The following BRD8 variants were observed in gnomAD, a reference collection of about 807,000 sequenced individuals.
The protein encoded by BRD8 is bromodomain containing 8.
BRD8 carries 67 observed loss-of-function variants against 143.1 expected under a neutral mutation model. That is an observed-to-expected ratio of 0.47 (90% CI 0.38 to 0.57). The LOEUF is 0.57. Among genes scored for constraint, BRD8 ranks in the 20% least tolerant of loss-of-function variants. The pLI is 0.00. For synonymous variants in BRD8, 505 were observed against 517.1 expected, an observed-to-expected ratio of 0.98 and a Z score of 0.32; for missense variants, 1,103 against 1,503.0, an observed-to-expected ratio of 0.73 and a Z score of 4.40.
In BRD8 at chr5:138,171,032, A is replaced by G; in HGVS notation, c.359+6T>C. On this transcript the variant is annotated splice_donor_region_variant and intron_variant, in intron 5 of 26. Transcript: ENST00000254900. The stretch of plus-strand genomic sequence containing the variant: ...TCAATTTTTTGGCATTCTCTCTGAT[A>G]AGTACCTATATCTCTCCTGGGTTTC... 1 of 1,613,340 alleles carries G rather than the reference A, an allele frequency of 6.2e-7. No homozygotes were observed. The highest frequency in any genetic ancestry group is 8.5e-7 in the Non-Finnish European group (1 of 1,179,794).
chr5:138,178,589 T>C lies in BRD8; in HGVS notation c.19+7A>G, dbSNP rs753563541. On this transcript the variant is annotated splice_region_variant and intron_variant, in intron 1 of 26. Coordinates refer to ENST00000254900, the MANE Select transcript of BRD8 (RefSeq NM_139199.2). Reference sequence around the variant, plus strand: ...GCCTTTCACGCAAAACCTGCTCAGATACTCACTGCCCGTTCCCGTCGCCAT... The same window carrying C: ...GCCTTTCACGCAAAACCTGCTCAGACACTCACTGCCCGTTCCCGTCGCCAT... The C allele has an allele frequency of 2.5e-6, 4 of 1,613,406 alleles. No individual in the cohort carries two copies. The highest frequency in any genetic ancestry group is 3.3e-5 in the Admixed American group (2 of 59,972).
At chr5:138,165,586 C>T (rs1273977598) in intron 11 of BRD8, among the ~76,000 whole-genome samples, 2 of 151,962 alleles carry the variant, frequency 1.3e-5, no homozygotes, top group Non-Finnish European at 1.5e-5. Context: ...ATTAGTGAGG[C>T]GTGGTGGCAT....
rs369547307 is a variant in BRD8, at chr5:138,164,296, T to C, written c.1825+24A>G. On this transcript the variant is annotated intron_variant, in intron 13 of 26. Coordinates refer to ENST00000254900, the MANE Select transcript of BRD8 (RefSeq NM_139199.2). ...AGAAGCCAAAGCAAATGATTTCAAG[T>C]CAGTGAAAGAGGACTTTATTTACCT... 1.4e-4 allele frequency: 230 copies of C among 1,610,040 alleles called. No individual in the cohort carries two copies. In the African/African-American group the frequency reaches 2.7e-3, roughly 19 times the overall value.
chr5:138,168,194 A>T (rs1419951178), intron 8 of BRD8, 116 bp from the exon 9 acceptor site: 1 of 767,086 alleles, frequency 1.3e-6, no homozygotes, highest in Non-Finnish European at 2.2e-6. Flanking sequence ...ATATCCACAG[A>T]GAATAATTTA....
chr5:138,155,282 A>C (rs1427676026), intron 20 of BRD8, among the ~76,000 whole-genome samples: 1 of 151,570 alleles, frequency 6.6e-6, no homozygotes, highest in Non-Finnish European at 1.5e-5. Flanking sequence ...CCCCACCTCT[A>C]CTAAAGAAAC....
At chr5:138,166,901 C>T (rs1337964557) in intron 9 of BRD8, 174 bp from the exon 10 acceptor site, 2 of 560,690 alleles carry the variant, frequency 3.6e-6, no homozygotes, top group African/African-American at 3.8e-5. Flanking sequence ...TTAAGATCTT[C>T]CTCCAAGTTA....
At chr5:138,168,437 A>ACAGCTCT (rs1316835644) in intron 8 of BRD8, 1 of 1,468,446 alleles carries the variant, frequency 6.8e-7, no homozygotes, top group South Asian at 1.2e-5. Context: ...CTAAATCACC[A>ACAGCTCT]CAGCTCTCAA....
intron 22 of BRD8, among the ~76,000 whole-genome samples, chr5:138,150,415 T>C (rs1021183057): frequency 1.2e-4 from 18 of 152,186 alleles, no homozygotes; most frequent in African/African-American, 3.6e-4. Context: ...ACCTGCCAGA[T>C]AATATTAATA....
At position 138,177,680 on chromosome 5, in the gene BRD8, G is replaced by A. The variant is rs368834620; in HGVS notation, c.20-13C>T. ...AGCAGCTTGTGTTCTGGGAAAGGGA[G>A]AAAAAAAAAAAAGCCTTGGAAACAA... On this transcript the variant is annotated splice_polypyrimidine_tract_variant and intron_variant, in intron 1 of 26. Coordinates refer to ENST00000254900, the MANE Select transcript of BRD8 (RefSeq NM_139199.2). 3.4e-3 allele frequency: 4,077 copies of A among 1,201,038 alleles called. 3 individuals carry two copies. The highest frequency in any genetic ancestry group is 7.4e-3 in the Admixed American group (332 of 44,718). 74.4% of individuals were successfully genotyped at this position (1,201,038 alleles called of 1,614,324 possible).
At chr5:138,168,376 A>C in intron 8 of BRD8, 2 of 891,254 alleles carry the variant, frequency 2.2e-6, no homozygotes, top group Non-Finnish European at 3.6e-6. Flanking sequence ...CCTCTTTTGA[A>C]CTTTTATTCC....
At position 138,169,233 on chromosome 5, in the gene BRD8, C is replaced by T. The variant is rs757299987; in HGVS notation, c.631G>A (p.Ala211Thr). The T allele has an allele frequency of 9.9e-6, 16 of 1,613,810 alleles. No individual in the cohort carries two copies. The highest frequency in any genetic ancestry group is 1.2e-5 in the Non-Finnish European group (14 of 1,179,968). Reference sequence around the variant, plus strand: ...GGAAATATACTCACCCCAGAGGTAGCCTCTTCCATAGTGGTTGGAGTCAAG... The same window carrying T: ...GGAAATATACTCACCCCAGAGGTAGTCTCTTCCATAGTGGTTGGAGTCAAG... Reference protein sequence around the residue: ...GDLTPTTMEEATSGVNESEMA... With the variant: ...GDLTPTTMEETTSGVNESEMA... The change falls in exon 8 of 27, where the codon GCT becomes ACT. Residue 211 changes from alanine (A) to threonine (T), a missense_variant. Physicochemically the swap from Ala to Thr is moderately conservative, Grantham distance 58 (BLOSUM62 0). This residue lies in a region of BRD8 where 334 missense variants were observed against 372.5 expected (regional missense o/e 0.90). Transcript: ENST00000254900.
chr5:138,145,857 G>C lies in BRD8; in HGVS notation c.3300C>G (p.Asp1100Glu). Reference sequence around the variant, plus strand: ...TAAATAGCAAATGATCCTGAACAGGGTCATCCTGGCTTAGATCAGTCCTAT... The same window carrying C: ...TAAATAGCAAATGATCCTGAACAGGCTCATCCTGGCTTAGATCAGTCCTAT... ...SSKLTDLSQDDPVQDHLLFKK... is the reference protein window; with the variant it reads ...SSKLTDLSQDEPVQDHLLFKK... Residue 1100 changes from aspartate (D) to glutamate (E), a missense_variant, in exon 24 of 27, where the codon GAC becomes GAG. This residue lies in a region of BRD8 where 369 missense variants were observed against 445.5 expected (regional missense o/e 0.83). Coordinates refer to ENST00000254900, the MANE Select transcript of BRD8 (RefSeq NM_139199.2). The C allele has an allele frequency of 1.9e-6, 3 of 1,613,810 alleles. No individual in the cohort carries two copies. Among genetic ancestry groups the C allele is most frequent in the Non-Finnish European group, 2.5e-6 (3 of 1,179,832 alleles).
rs116327784 is a variant in BRD8, at chr5:138,140,257, T to C, written c.3616-91A>G. 1,576 of 931,738 alleles carry C rather than the reference T, an allele frequency of 1.7e-3. 14 individuals are homozygous for C. In the African/African-American group the frequency reaches 0.019, roughly 11 times the overall value. The allele number at this position is 931,738 out of a possible 1,614,324, so 57.7% of individuals were successfully genotyped here. On this transcript the variant is annotated intron_variant, in intron 26 of 26. Coordinates refer to ENST00000254900, the MANE Select transcript of BRD8 (RefSeq NM_139199.2). ...TTTTTTTGGCAAATAGACTCAACTA[T>C]ACTTTTTTCTTTAAAGTATGATGCT...
chr5:138,163,004 G>C (rs1449812240), intron 15 of BRD8, 126 bp downstream of exon 15: 8 of 829,624 alleles, frequency 9.6e-6, no homozygotes, highest in African/African-American at 1.8e-5. Flanking sequence ...AAAAAGAGAA[G>C]GAAAGGAAAG....
intron 20 of BRD8, among the ~76,000 whole-genome samples, chr5:138,156,094 C>T (rs972298354): frequency 6.7e-6 from 1 of 150,192 alleles, no homozygotes; most frequent in East Asian, 2.0e-4. Flanking sequence ...TGGTCTCAAA[C>T]TCCTAGGCTC....
rs191182810 is a variant in BRD8 at position 138,155,945 on chromosome 5, G to T, written c.2578-3185C>A. Among the ~76,000 whole-genome samples, 7 of 150,576 alleles carry T rather than the reference G, an allele frequency of 4.6e-5. 1 individual carries two copies. The highest frequency in any genetic ancestry group is 4.0e-4 in the Admixed American group (6 of 15,112). On this transcript the variant is annotated intron_variant, in intron 20 of 26. Transcript: ENST00000254900. ...CTGGAGTGCAGTGATGCAATTATAG[G>T]TCATTGCCAACTTTGAATTCCGTGG...
intron 2 of BRD8, among the ~76,000 whole-genome samples, chr5:138,176,582 A>G (rs963377003): frequency 3.3e-5 from 5 of 152,112 alleles, no homozygotes; most frequent in African/African-American, 9.7e-5. Context: ...AAATTAATTA[A>G]TTAATTAATA....
rs912351724 is a variant in BRD8 at position 138,163,950 on chromosome 5, G to A, written c.1872+137C>T. 24 of 1,028,564 alleles carry A rather than the reference G, an allele frequency of 2.3e-5. No individual in the cohort carries two copies. The Middle Eastern group carries it at 8.2e-4, about 35-fold the overall frequency. The allele number at this position is 1,028,564 out of a possible 1,614,324, so 63.7% of individuals were successfully genotyped here. The stretch of plus-strand genomic sequence containing the variant: ...AGTACTCCCATTATGCCTGTCTACT[G>A]CAGCTTTTCCCCATGCAACTCCATA... On this transcript the variant is annotated intron_variant, in intron 14 of 26. Coordinates refer to ENST00000254900, the MANE Select transcript of BRD8 (RefSeq NM_139199.2).
chr5:138,154,514 GTTA>G (rs1442555847), intron 20 of BRD8, among the ~76,000 whole-genome samples: 1 of 152,152 alleles, frequency 6.6e-6, no homozygotes, highest in Non-Finnish European at 1.5e-5. Flanking sequence ...GGACTACAAT[GTTA>G]TTTTTTATTT....
Sources: gnomAD v4.1 joint callset for allele counts (sites outside exome capture counted in the v4.1 genomes callset) on GRCh38, gnomAD v4.1.1 for gene constraint, gnomAD v4.1.1 regional missense constraint, MANE v1.5 for transcripts, NCBI Gene and HGNC (gene_info 2026-07-23, HGNC 2026-07-21) for gene names.